EML4: variants seen among roughly 807,000 people sequenced by gnomAD.
EML4 encodes EMAP like 4.
EML4 carries 72 observed loss-of-function variants against 129.0 expected under a neutral mutation model. The observed-to-expected ratio is 0.56, with a 90% CI of 0.46 to 0.68. The LOEUF (loss-of-function observed/expected upper bound fraction) is 0.68. EML4 is among the 30% of genes least tolerant of loss of function. The pLI, the probability that EML4 is intolerant of heterozygous loss-of-function variation, is 0.00. For missense variants in EML4, 1,363 were observed against 1,190.6 expected (o/e 1.14, Z -2.13); for synonymous variants, 532 against 405.0 (o/e 1.31, Z -3.77).
intron 16 of EML4, 121 bp downstream of exon 16, chr2:42,303,567 GT>G: frequency 1.9e-6 from 2 of 1,052,894 alleles, no homozygotes; most frequent in Non-Finnish European, 2.8e-6. Flanking sequence ...ATATGGTTTA[GT>G]AATAGAGGGT....
At chr2:42,223,694 A>T (rs1673767567) in intron 1 of EML4, among the ~76,000 whole-genome samples, 1 of 152,158 alleles carries the variant, frequency 6.6e-6, no homozygotes. Context: ...CCATGAAAAC[A>T]CATCTAGATA....
intron 1 of EML4, among the ~76,000 whole-genome samples, chr2:42,228,783 C>T (rs562495499): frequency 1.3e-5 from 2 of 152,002 alleles, no homozygotes; most frequent in South Asian, 4.2e-4. Context: ...ATTTATTTAC[C>T]TTCTTCTCTC....
At chr2:42,233,297 A>G (rs1307019775) in intron 1 of EML4, among the ~76,000 whole-genome samples, 1 of 150,402 alleles carries the variant, frequency 6.6e-6, no homozygotes, top group African/African-American at 2.4e-5. Context: ...GTTTGTTATT[A>G]CAGGTTTCTT....
At chr2:42,319,063 A>C in intron 19 of EML4, among the ~76,000 whole-genome samples, 1 of 152,218 alleles carries the variant, frequency 6.6e-6, no homozygotes, top group Non-Finnish European at 1.5e-5. Flanking sequence ...CAGTATATCA[A>C]ATATGACTTA....
In EML4 at chr2:42,330,214, G is replaced by A; in HGVS notation, c.*7G>A. On this transcript the variant is annotated 3_prime_UTR_variant, in exon 23 of 23. Transcript: ENST00000318522. ...CCCTTCGCCCTCGTCCTAACACCCTGGCTTCAGTGCAACTCTTTTCCTTCA... is the reference window on the plus strand; with the variant it reads ...CCCTTCGCCCTCGTCCTAACACCCTAGCTTCAGTGCAACTCTTTTCCTTCA... 6.2e-7 allele frequency: 1 copy of A among 1,611,454 alleles called. No individual in the cohort carries two copies. Among genetic ancestry groups the A allele is most frequent in the Non-Finnish European group, 8.5e-7 (1 of 1,178,544 alleles).
chr2:42,244,101 G>GTTTTTTTTTTTTTTTTTTTTTTT (rs147426155), intron 1 of EML4, among the ~76,000 whole-genome samples: 3 of 81,362 alleles, frequency 3.7e-5, no homozygotes, highest in Non-Finnish European at 6.0e-5. Context: ...TTTGTTTTTT[G>GTTTTTTTTTTTTTTTTTTTTTTT]TTTTTTTTTT....
chr2:42,268,555 G>A (rs1434720592), intron 6 of EML4, among the ~76,000 whole-genome samples: 1 of 152,076 alleles, frequency 6.6e-6, no homozygotes, highest in Non-Finnish European at 1.5e-5. Context: ...TCCTGCCTCA[G>A]CCTTCCAAGT....
At chr2:42,320,595 G>A (rs1018644770) in intron 19 of EML4, among the ~76,000 whole-genome samples, 10 of 152,066 alleles carry the variant, frequency 6.6e-5, no homozygotes, top group South Asian at 2.1e-4. Flanking sequence ...TTGTACCTAC[G>A]GGTATTTTTC....
At chr2:42,250,098 G>A (rs1251891902) in intron 2 of EML4, among the ~76,000 whole-genome samples, 2 of 152,174 alleles carry the variant, frequency 1.3e-5, no homozygotes, top group Non-Finnish European at 1.5e-5. Context: ...GGCATTATGT[G>A]AAGACAAACT....
intron 10 of EML4, among the ~76,000 whole-genome samples, chr2:42,287,335 A>G (rs188280868): frequency 2.2e-4 from 33 of 152,314 alleles, no homozygotes; most frequent in Admixed American, 9.8e-4. Context: ...TACTTTTGCT[A>G]CTTTATTTTC....
rs1040144487 is a variant in EML4 at position 42,330,410 on chromosome 2, C to G, written c.*203C>G. Reference sequence around the variant, plus strand: ...TAGTTTGGTGTTTATTGAAAATTAACCAAACTTAATACTAGGAGAAGACTG... The same window carrying G: ...TAGTTTGGTGTTTATTGAAAATTAAGCAAACTTAATACTAGGAGAAGACTG... On this transcript the variant is annotated 3_prime_UTR_variant, in exon 23 of 23. Transcript: ENST00000318522. The G allele has an allele frequency of 6.1e-6, 4 of 652,104 alleles. No individual in the cohort carries two copies. In the African/African-American group the frequency reaches 7.2e-5, roughly 12 times the overall value. 40.4% of individuals were successfully genotyped at this position (652,104 alleles called of 1,614,324 possible).
chr2:42,264,106 T>TTTG (rs1665910924), intron 5 of EML4, among the ~76,000 whole-genome samples: 1 of 60,918 alleles, frequency 1.6e-5, no homozygotes, highest in Admixed American at 1.3e-4. Flanking sequence ...AATACGTGTT[T>TTTG]TTTTTTTTTT....
intron 1 of EML4, among the ~76,000 whole-genome samples, chr2:42,208,833 A>C (rs1353290393): frequency 6.6e-6 from 1 of 151,884 alleles, no homozygotes; most frequent in East Asian, 1.9e-4. Context: ...ACATAGAACA[A>C]ATTTAAAGCT....
intron 1 of EML4, among the ~76,000 whole-genome samples, chr2:42,205,139 C>G (rs758217306): frequency 6.6e-6 from 1 of 152,090 alleles, no homozygotes; most frequent in Non-Finnish European, 1.5e-5. Flanking sequence ...GAAGGGTTCT[C>G]AACAAAGATG....
chr2:42,239,815 A>G (rs1674904225), intron 1 of EML4, among the ~76,000 whole-genome samples: 1 of 152,216 alleles, frequency 6.6e-6, no homozygotes, highest in South Asian at 2.1e-4. Context: ...CTTGATCAAG[A>G]AAAGGGAATG....
intron 1 of EML4, among the ~76,000 whole-genome samples, chr2:42,194,737 C>G (rs1023302766): frequency 6.6e-6 from 1 of 151,984 alleles, no homozygotes; most frequent in East Asian, 1.9e-4. Context: ...GTCTCGAACT[C>G]CTGGGCTCGA....
intron 2 of EML4, among the ~76,000 whole-genome samples, chr2:42,249,245 A>T (rs1675612717): frequency 6.6e-6 from 1 of 151,984 alleles, no homozygotes. Flanking sequence ...TTTTTTCTTT[A>T]ATTAAAAAGT....
rs144268939 is a variant in EML4, at chr2:42,238,238, A to G, written c.26-7267A>G. On this transcript the variant is annotated intron_variant, in intron 1 of 22. Coordinates refer to ENST00000318522, the MANE Select transcript of EML4 (RefSeq NM_019063.5). ...CCTGAAACACTTCTGGTACCAAGCA[A>G]TTCAGATAAGGGATACTCAACCTGT... Among the ~76,000 whole-genome samples, 181 of 152,316 alleles carry G rather than the reference A, an allele frequency of 1.2e-3. 1 individual carries two copies. The highest frequency in any genetic ancestry group is 5.0e-3 in the Admixed American group (76 of 15,298).
At chr2:42,192,172 G>C (rs1295826526) in intron 1 of EML4, among the ~76,000 whole-genome samples, 2 of 150,052 alleles carry the variant, frequency 1.3e-5, no homozygotes, top group African/African-American at 4.9e-5. Flanking sequence ...CAAGAGTCTG[G>C]GTCTTATACC....
Sources: allele counts gnomAD v4.1 joint callset (sites outside exome capture counted in the v4.1 genomes callset), GRCh38; gene constraint gnomAD v4.1.1; transcripts MANE v1.5; gene names NCBI Gene and HGNC (gene_info 2026-07-23, HGNC 2026-07-21).